BEGAIN: variants seen among roughly 807,000 people sequenced by gnomAD.
The protein encoded by BEGAIN is brain-enriched guanylate kinase-associated protein.
In BEGAIN, 19 loss-of-function variants were observed where a neutral mutation model predicts 35.8. That is an observed-to-expected ratio of 0.53 (90% confidence interval 0.37 to 0.78). The LOEUF is 0.78. Ranked by LOEUF, BEGAIN falls within the 30% of genes least tolerant of loss-of-function variation. BEGAIN has a pLI of 0.00. For missense variants in BEGAIN, 795 were observed against 853.6 expected, an observed-to-expected ratio of 0.93 and a Z score of 0.85; for synonymous variants, 462 against 388.6, an observed-to-expected ratio of 1.19 and a Z score of -2.22.
At chr14:100,540,265 T>C in intron 6 of BEGAIN, 1 of 544,960 alleles carries the variant, frequency 1.8e-6, no homozygotes, top group Non-Finnish European at 3.3e-6. Flanking sequence ...GCAGCCGGGG[T>C]GGGCCAAAGG....
At position 100,546,812 on chromosome 14, in the gene BEGAIN, ACT is replaced by A. The variant is rs1401854497; in HGVS notation, c.72-152_72-151del. 1,243 of 540,928 alleles carry A rather than the reference ACT, an allele frequency of 2.3e-3. 13 individuals carry two copies. The African/African-American group carries it at 0.039, about 17-fold the overall frequency. The allele number at this position is 540,928 out of a possible 1,614,324, so 33.5% of individuals were successfully genotyped here. ...CACACACACACACACACACACACAC[ACT>A]CACACACACCCAGCCTCCCGGGCGT... On this transcript the variant is annotated intron_variant, in intron 2 of 6. Transcript: ENST00000554140.
rs1179533573 is a variant in BEGAIN at position 100,586,380 on chromosome 14, C to A, written c.42+869G>T. On this transcript the variant is annotated intron_variant, in intron 1 of 6. Coordinates refer to ENST00000554140, the MANE Select transcript of BEGAIN (RefSeq NM_001385089.1). This position sits in a 1 kb window ranked among gnomAD's most constrained non-coding sequence, Gnocchi z 4.9. ...CGACCTTGGCCATGCGGACTTTGCA[C>A]GTGCAGTGCTCCCTATCCATCCGGC... Among the ~76,000 whole-genome samples the A allele has an allele frequency of 6.6e-6, 1 of 152,196 alleles. No homozygotes were observed. Among genetic ancestry groups the A allele is most frequent in the Non-Finnish European group, 1.5e-5 (1 of 68,032 alleles).
chr14:100,551,143 C>T (rs2033152183), intron 2 of BEGAIN, among the ~76,000 whole-genome samples: 1 of 152,226 alleles, frequency 6.6e-6, no homozygotes, highest in Non-Finnish European at 1.5e-5. Context: ...GGGTCCACTT[C>T]ACCCTGCCCC....
chr14:100,568,286 C>T lies in BEGAIN; in HGVS notation c.43-347G>A, dbSNP rs1244243534. 8.4e-6 allele frequency: 6 copies of T among 717,470 alleles called. No individual in the cohort carries two copies. The highest frequency in any genetic ancestry group is 1.5e-4 in the East Asian group (2 of 13,622). The allele number at this position is 717,470 out of a possible 1,614,324, so 44.4% of individuals were successfully genotyped here. A position where few individuals can be genotyped will look rare whatever the true frequency, so the allele number is the denominator to read the frequency against. ...ACTCGGCCTGTCCCCGTTAACTCTC[C>T]GGCGGCCGCGGCCCCGCTGCTCCCC... On this transcript the variant is annotated intron_variant, in intron 1 of 6. Transcript: ENST00000554140. The surrounding 1 kb of genome is among the most constrained non-coding windows in gnomAD (Gnocchi z 7.5).
chr14:100,564,773 C>T (rs952790678), intron 2 of BEGAIN, among the ~76,000 whole-genome samples: 39 of 152,104 alleles, frequency 2.6e-4, no homozygotes, highest in African/African-American at 8.7e-4. Context: ...GGCCAGACCC[C>T]GGCTCTGTTC....
chr14:100,569,962 C>T (rs1402900155), intron 1 of BEGAIN, among the ~76,000 whole-genome samples: 2 of 152,170 alleles, frequency 1.3e-5, no homozygotes, highest in Admixed American at 6.5e-5. Flanking sequence ...CGGCTCCTCA[C>T]CACAGCTCTG....
Position 100,568,452 on chromosome 14 carries a change from G to A in BEGAIN, c.43-513C>T. 1 of 1,285,904 alleles carries A rather than the reference G, an allele frequency of 7.8e-7. No individual in the cohort carries two copies. The highest frequency in any genetic ancestry group is 1.0e-6 in the Non-Finnish European group (1 of 986,968). The allele number at this position is 1,285,904 out of a possible 1,614,324, so 79.7% of individuals were successfully genotyped here. ...GCAGAACCTGACACTCACACAATCC[G>A]AGGGCGATGGCATTTGGAGCCTCGA... On this transcript the variant is annotated intron_variant, in intron 1 of 6. Coordinates refer to ENST00000554140, the MANE Select transcript of BEGAIN (RefSeq NM_001385089.1). The surrounding 1 kb of genome is among the most constrained non-coding windows in gnomAD (Gnocchi z 7.5).
chr14:100,572,979 G>A (rs1011223816), intron 1 of BEGAIN, among the ~76,000 whole-genome samples: 1 of 151,994 alleles, frequency 6.6e-6, no homozygotes, highest in Admixed American at 6.5e-5. Context: ...TTCTCATGCA[G>A]GAAGACAGAC....
chr14:100,583,056 C>T (rs1016941303), intron 1 of BEGAIN, among the ~76,000 whole-genome samples: 3 of 150,948 alleles, frequency 2.0e-5, no homozygotes, highest in Admixed American at 6.6e-5. Context: ...GCCATCCACG[C>T]ACCAACACAT....
At position 100,568,612 on chromosome 14, in the gene BEGAIN, C is replaced by A; in HGVS notation, c.43-673G>T. ...CCTGCCTTGCTTGCGCAGACCCGCCCGCGCGCGGCTTGGAGACCCTCCCTG... is the reference window on the plus strand; with the variant it reads ...CCTGCCTTGCTTGCGCAGACCCGCCAGCGCGCGGCTTGGAGACCCTCCCTG... On this transcript the variant is annotated intron_variant, in intron 1 of 6. Transcript: ENST00000554140. This position sits in a 1 kb window ranked among gnomAD's most constrained non-coding sequence, Gnocchi z 7.5. 1.0e-6 allele frequency: 1 copy of A among 1,000,406 alleles called. No homozygotes were observed. The highest frequency in any genetic ancestry group is 1.3e-6 in the Non-Finnish European group (1 of 760,352). 62.0% of individuals were successfully genotyped at this position (1,000,406 alleles called of 1,614,324 possible).
chr14:100,539,412 G>T, intron 6 of BEGAIN, 97 bp from the exon 7 acceptor site: 1 of 1,475,662 alleles, frequency 6.8e-7, no homozygotes, highest in South Asian at 1.4e-5. Flanking sequence ...TGTTAGCCAT[G>T]ACCGACAGGC....
chr14:100,585,941 T>TG (rs1437005421), intron 1 of BEGAIN, among the ~76,000 whole-genome samples: 1 of 152,222 alleles, frequency 6.6e-6, no homozygotes, highest in Non-Finnish European at 1.5e-5. Flanking sequence ...TCTGCCACAG[T>TG]GCTTGCTTTT....
intron 2 of BEGAIN, among the ~76,000 whole-genome samples, chr14:100,555,112 AG>A (rs1190441470): frequency 2.6e-5 from 4 of 152,234 alleles, no homozygotes; most frequent in African/African-American, 9.6e-5. Context: ...TGGCCCCTGG[AG>A]GAAGCCCACA....
chr14:100,571,554 G>A (rs939685184), intron 1 of BEGAIN, among the ~76,000 whole-genome samples: 1 of 152,178 alleles, frequency 6.6e-6, no homozygotes, highest in Non-Finnish European at 1.5e-5. Context: ...CAGTTTATAG[G>A]CAAGAGCTTG....
chr14:100,583,199 C>T (rs1011128470), intron 1 of BEGAIN, among the ~76,000 whole-genome samples: 7 of 151,954 alleles, frequency 4.6e-5, no homozygotes, highest in African/African-American at 1.7e-4. Flanking sequence ...GTCTCGTATC[C>T]ATGCATCCAT....
intron 2 of BEGAIN, among the ~76,000 whole-genome samples, chr14:100,564,163 G>A (rs1266523090): frequency 2.0e-5 from 3 of 152,116 alleles, no homozygotes; most frequent in Non-Finnish European, 2.9e-5. Context: ...GGGGGATCTC[G>A]GGGGTTGGCC....
At chr14:100,577,855 G>C (rs548905181) in intron 1 of BEGAIN, 1 of 399,308 alleles carries the variant, frequency 2.5e-6, no homozygotes, top group East Asian at 3.6e-5. Context: ...TTCCTTGATG[G>C]GGGCTTCTGT....
chr14:100,554,306 C>T (rs1018442200), intron 2 of BEGAIN, among the ~76,000 whole-genome samples: 2 of 152,088 alleles, frequency 1.3e-5, no homozygotes, highest in Admixed American at 6.5e-5. Context: ...CACAGTCAGC[C>T]GAGGGCCCGA....
intron 2 of BEGAIN, among the ~76,000 whole-genome samples, chr14:100,559,101 G>A (rs964632469): frequency 2.0e-5 from 3 of 152,272 alleles, no homozygotes; most frequent in South Asian, 2.1e-4. Context: ...CAAGGAGCTC[G>A]GGAAGTTGGC....
Sources: allele counts gnomAD v4.1 joint callset (sites outside exome capture counted in the v4.1 genomes callset), GRCh38; gene constraint gnomAD v4.1.1; non-coding constraint Gnocchi (gnomAD v3.1); transcripts MANE v1.5; gene names NCBI Gene and HGNC (gene_info 2026-07-23, HGNC 2026-07-21).